Variants in GALNTL5 observed in about 807,000 individuals in gnomAD.
The protein encoded by GALNTL5 is polypeptide N-acetylgalactosaminyltransferase like 5.
Under a neutral mutation model 51.0 loss-of-function variants are expected in GALNTL5, and 44 were observed. The ratio of observed to expected loss-of-function variants is 0.86; its 90% confidence interval spans 0.68 to 1.11. GALNTL5 has a LOEUF of 1.11. Among genes scored for constraint, GALNTL5 ranks in the 50% least tolerant of loss-of-function variants. The pLI is 0.00. For synonymous variants in GALNTL5, 192 were observed against 182.8 expected (o/e 1.05, Z -0.41); for missense variants, 528 against 531.8 (o/e 0.99, Z 0.07).
intron 6 of GALNTL5, among the ~76,000 whole-genome samples, chr7:152,006,108 G>A (rs2081638694): frequency 6.6e-6 from 1 of 152,246 alleles, no homozygotes; most frequent in Non-Finnish European, 1.5e-5. Context: ...GGGAGGAGAA[G>A]GACCAGGAAA....
At chr7:152,002,615 G>A in intron 5 of GALNTL5, 99 bp from the exon 6 acceptor site, 2 of 1,320,708 alleles carry the variant, frequency 1.5e-6, no homozygotes, top group Admixed American at 2.1e-5. Flanking sequence ...CAAACACATA[G>A]TAAATGCTCA....
At chr7:151,999,864 A>G (rs1030434112) in intron 5 of GALNTL5, among the ~76,000 whole-genome samples, 1 of 152,204 alleles carries the variant, frequency 6.6e-6, no homozygotes, top group Non-Finnish European at 1.5e-5. Context: ...CATAGCTGTA[A>G]TATTCCAAAG....
chr7:152,011,384 A>G, intron 7 of GALNTL5, among the ~76,000 whole-genome samples: 1 of 152,162 alleles, frequency 6.6e-6, no homozygotes, highest in Admixed American at 6.5e-5. Context: ...TGGCATTTCA[A>G]TTTTCCTGGC....
intron 2 of GALNTL5, among the ~76,000 whole-genome samples, chr7:151,970,224 C>G (rs2081118048): frequency 6.6e-6 from 1 of 151,974 alleles, no homozygotes; most frequent in Admixed American, 6.6e-5. Context: ...TGGGGGTGGG[C>G]TCAGTACATT....
At chr7:151,982,947 T>C (rs373860795) in intron 3 of GALNTL5, 39 bp from the exon 4 acceptor site, 165 of 1,613,568 alleles carry the variant, frequency 1.0e-4, no homozygotes, top group Middle Eastern at 8.2e-4. Flanking sequence ...TCCAAGGCAT[T>C]TAGATGGATG....
intron 5 of GALNTL5, 100 bp downstream of exon 5, chr7:151,987,381 G>A (rs2081371602): frequency 9.7e-6 from 10 of 1,033,792 alleles, no homozygotes; most frequent in South Asian, 3.9e-5. Context: ...GTCTGTGTCT[G>A]CTTCATCAGA....
chr7:151,985,288 A>G (rs143299340), intron 4 of GALNTL5, among the ~76,000 whole-genome samples: 1,700 of 152,206 alleles, frequency 0.011, 35 homozygotes, highest in African/African-American at 0.037. Flanking sequence ...CCCCTTTATG[A>G]GAGACTAGGG....
chr7:151,982,063 TAGAATTCC>T (rs1442007557), intron 3 of GALNTL5, among the ~76,000 whole-genome samples: 22 of 152,260 alleles, frequency 1.4e-4, no homozygotes, highest in African/African-American at 4.8e-4. Context: ...CTAATATTAC[TAGAATTCC>T]AGAATTCAGC....
At chr7:151,989,736 T>C (rs1300488155) in intron 5 of GALNTL5, among the ~76,000 whole-genome samples, 1 of 152,210 alleles carries the variant, frequency 6.6e-6, no homozygotes, top group East Asian at 1.9e-4. Context: ...CAGCCAGAGA[T>C]GAATATGGCC....
At chr7:152,000,663 G>A (rs1345716458) in intron 5 of GALNTL5, among the ~76,000 whole-genome samples, 17 of 152,120 alleles carry the variant, frequency 1.1e-4, no homozygotes, top group Admixed American at 1.1e-3. Flanking sequence ...ACGTTTTTCT[G>A]ATGACTAATG....
At chr7:151,970,232 A>G (rs931419296) in intron 2 of GALNTL5, among the ~76,000 whole-genome samples, 4 of 152,098 alleles carry the variant, frequency 2.6e-5, no homozygotes, top group Non-Finnish European at 5.9e-5. Context: ...GGCTCAGTAC[A>G]TTCTGCTTCT....
chr7:152,017,166 C>T (rs934063659), intron 8 of GALNTL5, among the ~76,000 whole-genome samples: 3 of 152,098 alleles, frequency 2.0e-5, no homozygotes, highest in African/African-American at 4.8e-5. Flanking sequence ...ACCATCATAG[C>T]GTGTACCTAC....
chr7:151,987,688 A>C (rs10245251), intron 5 of GALNTL5, among the ~76,000 whole-genome samples: 128,801 of 150,662 alleles, frequency 0.85, 56,183 homozygotes, highest in Non-Finnish European at 0.96. Flanking sequence ...CCACAATGAA[A>C]TAAGAGAAAG....
chr7:152,010,061 T>C (rs923953563), intron 7 of GALNTL5, among the ~76,000 whole-genome samples: 1 of 152,214 alleles, frequency 6.6e-6, no homozygotes, highest in Non-Finnish European at 1.5e-5. Context: ...AGTACTGTTA[T>C]GTATGAAGCA....
Position 152,014,942 on chromosome 7 carries a change from C to CTA in GALNTL5, c.1176+150_1176+151insAT, listed in dbSNP as rs1186967319. 7.7e-6 allele frequency: 5 copies of CTA among 646,342 alleles called. No homozygotes were observed. The East Asian group carries it at 1.4e-4, about 18-fold the overall frequency. 40.0% of individuals were successfully genotyped at this position (646,342 alleles called of 1,614,324 possible). On this transcript the variant is annotated intron_variant, in intron 8 of 8. Coordinates refer to ENST00000392800, the MANE Select transcript of GALNTL5 (RefSeq NM_145292.4). Reference sequence around the variant, plus strand: ...TAACACAGGAACGGAAAACCAAATACTGCATGTTCTCATTTACAAGTGAGA... The same window carrying CTA: ...TAACACAGGAACGGAAAACCAAATACTATGCATGTTCTCATTTACAAGTGAGA...
Position 151,985,176 on chromosome 7 carries a change from A to G in GALNTL5, c.536-1983A>G, listed in dbSNP as rs574581320. 7.9e-4 allele frequency among the ~76,000 whole-genome samples: 120 copies of G among 152,312 alleles called. 1 individual carries two copies. Among genetic ancestry groups the G allele is most frequent in the African/African-American group, 2.7e-3 (114 of 41,580 alleles). On this transcript the variant is annotated intron_variant, in intron 4 of 8. Coordinates refer to ENST00000392800, the MANE Select transcript of GALNTL5 (RefSeq NM_145292.4). Reference sequence around the variant, plus strand: ...TATGCCTCTGCAAGGCCCCACCTGCAAATACCATCATACTGAGGGGTACTT... The same window carrying G: ...TATGCCTCTGCAAGGCCCCACCTGCGAATACCATCATACTGAGGGGTACTT...
Position 151,987,276 on chromosome 7 carries a change from C to T in GALNTL5, c.653C>T (p.Ala218Val), listed in dbSNP as rs1357977964. 10 of 1,574,122 alleles carry T rather than the reference C, an allele frequency of 6.4e-6. No individual in the cohort carries two copies. Among genetic ancestry groups the T allele is most frequent in the Middle Eastern group, 1.7e-4 (1 of 5,968 alleles). The change falls in exon 5 of 9, where the codon GCT (alanine) becomes GTT (valine). Residue 218 changes from alanine to valine, a missense_variant. Transcript: ENST00000392800. ...GCAAGGCTGATTGGAGCTTCTCATG[C>T]TTCAGGTAGGAACATTCCTGGGGAC... ...IRARLIGASH[A>V]SGDVLVFLDS...
Position 151,987,615 on chromosome 7 carries a change from G to T in GALNTL5, c.658+334G>T, listed in dbSNP as rs1173806821. ...CCACAAGAGTGAGGAGAGCAAGACT[G>T]GGGGTGGGGTGGGCGGGAGGGAGCT... On this transcript the variant is annotated intron_variant, in intron 5 of 8. Transcript: ENST00000392800. 1.7e-4 allele frequency among the ~76,000 whole-genome samples: 26 copies of T among 150,238 alleles called. No individual in the cohort carries two copies. The South Asian group carries it at 5.1e-3, about 30-fold the overall frequency.
At chr7:151,976,180 C>T (rs2081202813) in intron 3 of GALNTL5, among the ~76,000 whole-genome samples, 1 of 152,154 alleles carries the variant, frequency 6.6e-6, no homozygotes, top group South Asian at 2.1e-4. Context: ...AAGTCCTCTA[C>T]TTTTATTTTA....
Sources: gnomAD v4.1 joint callset for allele counts (sites outside exome capture counted in the v4.1 genomes callset) on GRCh38, gnomAD v4.1.1 for gene constraint, MANE v1.5 for transcripts, NCBI Gene and HGNC (gene_info 2026-07-23, HGNC 2026-07-21) for gene names.